Variants in ADGRL4 observed in about 807,000 individuals in gnomAD.
The protein encoded by ADGRL4 is adhesion G protein-coupled receptor L4.
ADGRL4 carries 90 observed loss-of-function variants against 74.8 expected under a neutral mutation model. The ratio of observed to expected loss-of-function variants is 1.20; its 90% CI spans 1.02 to 1.43. The LOEUF (loss-of-function observed/expected upper bound fraction) is 1.43. Among genes scored for constraint, ADGRL4 ranks in the 40% most tolerant of loss-of-function variants. ADGRL4 has a pLI of 0.00. For missense variants in ADGRL4, 881 were observed against 814.3 expected (o/e 1.08, Z -1.00); for synonymous variants, 311 against 279.2 (o/e 1.11, Z -1.14).
intron 2 of ADGRL4, among the ~76,000 whole-genome samples, chr1:78,987,704 T>C (rs957602643): frequency 1.3e-5 from 2 of 151,748 alleles, no homozygotes; most frequent in Non-Finnish European, 3.0e-5. Context: ...GCAAATATTC[T>C]TGATTAATTT....
intron 2 of ADGRL4, among the ~76,000 whole-genome samples, chr1:78,983,883 A>T (rs555798834): frequency 4.6e-5 from 7 of 151,938 alleles, no homozygotes; most frequent in Non-Finnish European, 8.8e-5. Flanking sequence ...AAAATAATGT[A>T]CCATATACCT....
chr1:78,982,473 T>C (rs1466360167), intron 2 of ADGRL4, among the ~76,000 whole-genome samples: 1 of 151,958 alleles, frequency 6.6e-6, no homozygotes, highest in Non-Finnish European at 1.5e-5. Flanking sequence ...CAGGGTTGAT[T>C]AATTTGGTAG....
At chr1:78,911,765 T>G (rs1368306551) in intron 12 of ADGRL4, among the ~76,000 whole-genome samples, 1 of 151,834 alleles carries the variant, frequency 6.6e-6, no homozygotes, top group African/African-American at 2.4e-5. Flanking sequence ...AAGATTATCC[T>G]CCAGAATGTT....
rs1648240595 is a variant in ADGRL4, at chr1:78,890,277, T to C, written c.*877A>G. 1 of 152,258 alleles carries C rather than the reference T, an allele frequency of 6.6e-6. No homozygotes were observed. The highest frequency in any genetic ancestry group is 6.6e-5 in the Admixed American group (1 of 15,264). 9.4% of individuals were successfully genotyped at this position (152,258 alleles called of 1,614,324 possible). ...AAATATACTAATGAGATAGTATAAC[T>C]TTCACTTCACTGAAAGGTAATAGAA... is the stretch of plus-strand genomic sequence containing the variant. On this transcript the variant is annotated 3_prime_UTR_variant, in exon 15 of 15. Coordinates refer to ENST00000370742, the MANE Select transcript of ADGRL4 (RefSeq NM_022159.4).
At position 78,969,705 on chromosome 1, in the gene ADGRL4, G is replaced by GGGTTTTTT. The variant is rs375330956; in HGVS notation, c.173-23287_173-23280dup. Among the ~76,000 whole-genome samples the GGGTTTTTT allele has an allele frequency of 7.7e-3, 874 of 113,794 alleles. 8 individuals carry two copies. The highest frequency in any genetic ancestry group is 0.028 in the African/African-American group (823 of 29,114). 74.7% of individuals were successfully genotyped at this position (113,794 alleles called of 152,430 possible). ...ACTCAGTCCTTTGATGATGATTTGT[G>GGGTTTTTT]GGTTTTTTTTTTTTTTTAACAAAAA... On this transcript the variant is annotated intron_variant, in intron 2 of 14. Transcript: ENST00000370742.
At chr1:78,979,366 T>G (rs1650354858) in intron 2 of ADGRL4, among the ~76,000 whole-genome samples, 1 of 151,984 alleles carries the variant, frequency 6.6e-6, no homozygotes, top group African/African-American at 2.4e-5. Context: ...ATTCGCACCC[T>G]GTAGTCAGTA....
intron 2 of ADGRL4, among the ~76,000 whole-genome samples, chr1:78,954,981 G>A (rs1002630729): frequency 6.6e-6 from 1 of 151,976 alleles, no homozygotes; most frequent in Non-Finnish European, 1.5e-5. Context: ...ATGTAGTAAT[G>A]GCTACTTAAC....
At chr1:78,932,361 GT>G (rs1239980452) in intron 7 of ADGRL4, among the ~76,000 whole-genome samples, 1 of 151,390 alleles carries the variant, frequency 6.6e-6, no homozygotes, top group Non-Finnish European at 1.5e-5. Context: ...AAATCAAGAA[GT>G]TCTTTGAAAC....
At chr1:78,920,417 A>G in intron 9 of ADGRL4, 31 bp from the exon 10 acceptor site, 3 of 1,373,226 alleles carry the variant, frequency 2.2e-6, no homozygotes, top group Non-Finnish European at 3.0e-6. Context: ...AGCAGTTAAA[A>G]GAATAACTCA....
At chr1:78,979,119 T>A (rs1570268554) in intron 2 of ADGRL4, among the ~76,000 whole-genome samples, 1 of 151,916 alleles carries the variant, frequency 6.6e-6, no homozygotes, top group Admixed American at 6.6e-5. Flanking sequence ...ACAAAGTGAG[T>A]CTAAGATTTT....
At chr1:79,004,921 C>T (rs1486600868) in intron 2 of ADGRL4, 149 bp downstream of exon 2, 2 of 560,992 alleles carry the variant, frequency 3.6e-6, no homozygotes, top group Non-Finnish European at 5.7e-6. Flanking sequence ...GTAAGTCAAA[C>T]TTACTGTTTA....
chr1:78,925,943 G>T (rs1276904257), intron 8 of ADGRL4, among the ~76,000 whole-genome samples: 1 of 151,906 alleles, frequency 6.6e-6, no homozygotes, highest in Non-Finnish European at 1.5e-5. Context: ...GTCTAAGTTT[G>T]GTTTCCAGTC....
intron 12 of ADGRL4, among the ~76,000 whole-genome samples, chr1:78,907,271 T>C (rs1466988489): frequency 2.1e-4 from 32 of 152,026 alleles, no homozygotes; most frequent in Non-Finnish European, 7.4e-5. Flanking sequence ...TTTTCTGAAA[T>C]TTTTTCTCAA....
intron 12 of ADGRL4, among the ~76,000 whole-genome samples, chr1:78,901,367 G>A (rs1478790105): frequency 6.6e-6 from 1 of 152,124 alleles, no homozygotes; most frequent in Non-Finnish European, 1.5e-5. Flanking sequence ...CAAAGGAAGG[G>A]GGGCTACATT....
At chr1:78,924,214 ACT>A (rs1176183332) in intron 8 of ADGRL4, among the ~76,000 whole-genome samples, 11 of 151,966 alleles carry the variant, frequency 7.2e-5, no homozygotes, top group African/African-American at 2.7e-4. Context: ...AAAAAATATA[ACT>A]CTGTACCATG....
chr1:78,898,838 C>T (rs1029191671), intron 12 of ADGRL4, among the ~76,000 whole-genome samples: 2 of 151,968 alleles, frequency 1.3e-5, no homozygotes, highest in Non-Finnish European at 2.9e-5. Flanking sequence ...TTAGCACATA[C>T]ATTTTGTTGT....
intron 2 of ADGRL4, among the ~76,000 whole-genome samples, chr1:78,952,845 T>C (rs138532192): frequency 0.014 from 2,183 of 152,188 alleles, 55 homozygotes; most frequent in African/African-American, 0.05. Flanking sequence ...CATTTCAAAA[T>C]TTTTTTGAAG....
chr1:78,905,146 C>T (rs1257384721), intron 12 of ADGRL4, among the ~76,000 whole-genome samples: 1 of 151,936 alleles, frequency 6.6e-6, no homozygotes, highest in African/African-American at 2.4e-5. Context: ...GGACTTTCTT[C>T]TAAAGTGATA....
At chr1:78,986,154 T>G (rs532463446) in intron 2 of ADGRL4, among the ~76,000 whole-genome samples, 33 of 151,724 alleles carry the variant, frequency 2.2e-4, no homozygotes, top group Non-Finnish European at 4.3e-4. Context: ...AACCTGCACA[T>G]GAATCCTTGG....
Sources: allele counts gnomAD v4.1 joint callset (sites outside exome capture counted in the v4.1 genomes callset), GRCh38; gene constraint gnomAD v4.1.1; transcripts MANE v1.5; gene names NCBI Gene and HGNC (gene_info 2026-07-23, HGNC 2026-07-21).